Variants in RCOR1 observed in about 807,000 individuals in gnomAD.
The protein encoded by RCOR1 is REST corepressor 1.
RCOR1 carries 12 observed loss-of-function variants against 64.0 expected under a neutral mutation model. The ratio of observed to expected loss-of-function variants is 0.19; its 90% CI spans 0.12 to 0.30. The LOEUF is 0.30. Among genes scored for constraint, RCOR1 ranks in the 10% least tolerant of loss-of-function variants. The probability of loss-of-function intolerance (pLI) is 1.00; values close to 1 mark genes in which losing one functional copy is unlikely to be tolerated. For missense variants in RCOR1, 502 were observed against 621.2 expected (o/e 0.81, Z 2.04); for synonymous variants, 279 against 227.2 (o/e 1.23, Z -2.05).
rs59418246 is a variant in RCOR1, at chr14:102,691,407, G to A, written c.445+9429G>A. On this transcript the variant is annotated intron_variant, in intron 3 of 11. Coordinates refer to ENST00000262241, the MANE Select transcript of RCOR1 (RefSeq NM_015156.4). ...CCCAGACCTCAGCATCACGCAGTGT[G>A]TCTTTGTAACAAACCTGCACACGTG... Among the ~76,000 whole-genome samples the A allele has an allele frequency of 4.7e-3, 709 of 152,212 alleles. 5 individuals carry two copies. Among genetic ancestry groups the A allele is most frequent in the African/African-American group, 0.016 (663 of 41,516 alleles).
intron 2 of RCOR1, 50 bp from the exon 3 acceptor site, chr14:102,681,845 A>C (rs1555466017): frequency 9.9e-6 from 13 of 1,317,238 alleles, no homozygotes. Flanking sequence ...CTTATAGCTT[A>C]TTATATGTGT....
chr14:102,653,932 T>TTTCC (rs1486850927), intron 2 of RCOR1, among the ~76,000 whole-genome samples: 2 of 29,404 alleles, frequency 6.8e-5, no homozygotes, highest in Non-Finnish European at 1.3e-4. Flanking sequence ...TCTTTCTTTC[T>TTTCC]TTCTTTCTTT....
chr14:102,627,670 A>AAC lies in RCOR1; in HGVS notation c.361+34358_361+34359dup, dbSNP rs560181667. On this transcript the variant is annotated intron_variant, in intron 2 of 11. Coordinates refer to ENST00000262241, the MANE Select transcript of RCOR1 (RefSeq NM_015156.4). ...AGACTCTGTCTTAAAAAAAAAAAAA[A>AAC]ACACACACACACACCAAAAAAACAA... Among the ~76,000 whole-genome samples, 543 of 151,174 alleles carry AAC rather than the reference A, an allele frequency of 3.6e-3. 5 individuals are homozygous for AAC. The highest frequency in any genetic ancestry group is 4.6e-3 in the Non-Finnish European group (310 of 67,744).
Position 102,629,388 on chromosome 14 carries a change from GGTAAACT to G in RCOR1, c.361+36066_361+36072del, listed in dbSNP as rs201363653. ...TATTGTATGATTCCTTCAACTAGAC[GGTAAACT>G]GTGAGGTGAGAGGAGAGCTTTTTAA... On this transcript the variant is annotated intron_variant, in intron 2 of 11. Transcript: ENST00000262241. 9.9e-3 allele frequency among the ~76,000 whole-genome samples: 1,500 copies of G among 151,850 alleles called. 15 individuals are homozygous for G. The highest frequency in any genetic ancestry group is 0.015 in the Admixed American group (229 of 15,228).
At chr14:102,701,929 A>C (rs1895764991) in intron 4 of RCOR1, among the ~76,000 whole-genome samples, 1 of 152,142 alleles carries the variant, frequency 6.6e-6, no homozygotes, top group Admixed American at 6.5e-5. Flanking sequence ...GGCCTCCCAA[A>C]GTGTTGGGAT....
At chr14:102,701,254 A>T in intron 3 of RCOR1, 24 bp from the exon 4 acceptor site, 1 of 1,604,246 alleles carries the variant, frequency 6.2e-7, no homozygotes, top group Non-Finnish European at 8.5e-7. Flanking sequence ...AGTTTGTTTA[A>T]TGGCATCTCT....
At chr14:102,654,183 C>T (rs1159285525) in intron 2 of RCOR1, among the ~76,000 whole-genome samples, 1 of 151,676 alleles carries the variant, frequency 6.6e-6, no homozygotes, top group Non-Finnish European at 1.5e-5. Context: ...GACAGGGTTT[C>T]ACCGTGTTAG....
intron 2 of RCOR1, among the ~76,000 whole-genome samples, chr14:102,612,846 A>C (rs532929458): frequency 1.1e-4 from 17 of 151,166 alleles, no homozygotes; most frequent in African/African-American, 4.1e-4. Context: ...AGTCCTGGCT[A>C]CTTGGGAGGT....
intron 3 of RCOR1, among the ~76,000 whole-genome samples, chr14:102,693,291 G>T (rs556354158): frequency 2.0e-5 from 3 of 152,192 alleles, no homozygotes; most frequent in African/African-American, 7.2e-5. Flanking sequence ...AGACATGCGG[G>T]TTCCATAAGG....
intron 2 of RCOR1, among the ~76,000 whole-genome samples, chr14:102,625,917 C>T (rs1002164390): frequency 6.6e-6 from 1 of 152,168 alleles, no homozygotes; most frequent in African/African-American, 2.4e-5. Flanking sequence ...CTAATCCTTC[C>T]GATACCTTGG....
At chr14:102,608,743 T>C (rs1893566902) in intron 2 of RCOR1, among the ~76,000 whole-genome samples, 1 of 151,562 alleles carries the variant, frequency 6.6e-6, no homozygotes. Context: ...ATTTTTTTTT[T>C]GTGGAGAGAC....
intron 2 of RCOR1, among the ~76,000 whole-genome samples, chr14:102,637,928 AATAAT>A (rs1326183556): frequency 6.6e-6 from 1 of 152,164 alleles, no homozygotes; most frequent in Non-Finnish European, 1.5e-5. Context: ...ACTGGAAGTA[AATAAT>A]TAAGTTTAAA....
chr14:102,640,076 C>G (rs1894335261), intron 2 of RCOR1, among the ~76,000 whole-genome samples: 1 of 152,174 alleles, frequency 6.6e-6, no homozygotes. Context: ...AATTCCCAAC[C>G]TCAGGTGATC....
chr14:102,612,954 T>C (rs1229591297), intron 2 of RCOR1, among the ~76,000 whole-genome samples: 1 of 144,302 alleles, frequency 6.9e-6, no homozygotes, highest in African/African-American at 2.6e-5. Flanking sequence ...ACAGTATCTC[T>C]TAGCAAAAAA....
Position 102,604,039 on chromosome 14 carries a change from C to G in RCOR1, c.361+10714C>G, listed in dbSNP as rs992880821. The stretch of plus-strand genomic sequence containing the variant: ...GGAAGGGATAAAAATACATTCCTGA[C>G]TGGAGACTGTACTCAGAGATTGGTC... On this transcript the variant is annotated intron_variant, in intron 2 of 11. Coordinates refer to ENST00000262241, the MANE Select transcript of RCOR1 (RefSeq NM_015156.4). Among the ~76,000 whole-genome samples the G allele has an allele frequency of 2.6e-5, 4 of 152,102 alleles. No homozygotes were observed. The East Asian group carries it at 5.8e-4, about 22-fold the overall frequency.
chr14:102,592,760 C>A lies in RCOR1; in HGVS notation c.-127C>A, dbSNP rs1278160526. ...GTTTGGGCCTCCCCCGACTCGGACT[C>A]GCGCCCGTGGGCTCCCGCCGCGCCC... On this transcript the variant is annotated 5_prime_UTR_variant, in exon 1 of 12. Transcript: ENST00000262241. 7.4e-6 allele frequency: 9 copies of A among 1,211,898 alleles called. No individual in the cohort carries two copies. Among genetic ancestry groups the A allele is most frequent in the Non-Finnish European group, 9.2e-6 (9 of 975,588 alleles). 75.1% of individuals were successfully genotyped at this position (1,211,898 alleles called of 1,614,324 possible). A position where few individuals can be genotyped will look rare whatever the true frequency, so the allele number is the denominator to read the frequency against.
At chr14:102,657,325 T>C (rs1023738706) in intron 2 of RCOR1, 3 of 985,350 alleles carry the variant, frequency 3.0e-6, no homozygotes, top group East Asian at 1.1e-4. Flanking sequence ...CAAGGAGTAA[T>C]GGCATACTGG....
chr14:102,679,474 CTTTTTTTTTCTTT>C (rs1464939221), intron 2 of RCOR1, among the ~76,000 whole-genome samples: 1 of 148,984 alleles, frequency 6.7e-6, no homozygotes, highest in Non-Finnish European at 1.5e-5. Flanking sequence ...ATTTATTTCC[CTTTTTTTTTCTTT>C]TTTTTTTTTG....
chr14:102,614,590 A>G (rs1281840319), intron 2 of RCOR1, among the ~76,000 whole-genome samples: 2 of 152,106 alleles, frequency 1.3e-5, no homozygotes, highest in African/African-American at 4.8e-5. Flanking sequence ...TATATGTCAG[A>G]TGATTAACTA....
Sources: allele counts gnomAD v4.1 joint callset (sites outside exome capture counted in the v4.1 genomes callset), GRCh38; gene constraint gnomAD v4.1.1; transcripts MANE v1.5; gene names NCBI Gene and HGNC (gene_info 2026-07-23, HGNC 2026-07-21).